SLC24A3: variants seen among roughly 807,000 people sequenced by gnomAD.
The protein encoded by SLC24A3 is sodium/potassium/calcium exchanger 3.
In SLC24A3, 28 loss-of-function variants were observed where a neutral mutation model predicts 75.8. That is an observed-to-expected ratio of 0.37 (90% CI 0.27 to 0.51). SLC24A3 has a LOEUF of 0.51. SLC24A3 is among the 20% of genes least tolerant of loss of function. SLC24A3 has a pLI of 0.94. For synonymous variants in SLC24A3, 372 were observed against 334.1 expected (o/e 1.11, Z -1.24); for missense variants, 663 against 847.8 (o/e 0.78, Z 2.71).
chr20:19,531,605 T>C (rs1207581236), intron 3 of SLC24A3, among the ~76,000 whole-genome samples: 1 of 152,212 alleles, frequency 6.6e-6, no homozygotes, highest in Non-Finnish European at 1.5e-5. Context: ...GGAAACAAAC[T>C]GTTTGTATTG....
chr20:19,445,869 C>T (rs888124962), intron 2 of SLC24A3, among the ~76,000 whole-genome samples: 1 of 152,134 alleles, frequency 6.6e-6, no homozygotes, highest in Admixed American at 6.5e-5. Flanking sequence ...ATTAAAAATT[C>T]CTTTTCTGAG....
intron 8 of SLC24A3, among the ~76,000 whole-genome samples, chr20:19,668,935 C>T (rs1177829724): frequency 6.6e-6 from 1 of 152,220 alleles, no homozygotes; most frequent in Non-Finnish European, 1.5e-5. Context: ...AGAAGGGGCA[C>T]TGTTGTTCTT....
chr20:19,264,728 C>CAAAAA lies in SLC24A3; in HGVS notation c.143-16218_143-16214dup, dbSNP rs371253803. ...TGGGCGACAGAGCGAGACTCCATCT[C>CAAAAA]AAAAAAAAAAAAAAAAACAAAACAA... is the stretch of plus-strand genomic sequence containing the variant. On this transcript the variant is annotated intron_variant, in intron 1 of 16. Coordinates refer to ENST00000328041, the MANE Select transcript of SLC24A3 (RefSeq NM_020689.4). Among the ~76,000 whole-genome samples the CAAAAA allele has an allele frequency of 1.6e-3, 157 of 97,974 alleles. 1 individual carries two copies. The highest frequency in any genetic ancestry group is 5.2e-3 in the Middle Eastern group (1 of 192). 64.3% of individuals were successfully genotyped at this position (97,974 alleles called of 152,430 possible). A position where few individuals can be genotyped will look rare whatever the true frequency, so the allele number is the denominator to read the frequency against.
rs1491373179 is a variant in SLC24A3 at position 19,631,822 on chromosome 20, GTA to G, written c.613-22238_613-22237del. Among the ~76,000 whole-genome samples, 879 of 148,554 alleles carry G rather than the reference GTA, an allele frequency of 5.9e-3. 9 individuals are homozygous for G. The highest frequency in any genetic ancestry group is 0.021 in the East Asian group (109 of 5,160). ...TGTGTGTGTGTGTGTGTGTGTGTGT[GTA>G]TGTAACCACAATTTTTTAAAAGTTT... On this transcript the variant is annotated intron_variant, in intron 6 of 16. Transcript: ENST00000328041.
chr20:19,375,950 C>T (rs1037204628), intron 2 of SLC24A3, among the ~76,000 whole-genome samples: 1 of 152,190 alleles, frequency 6.6e-6, no homozygotes, highest in African/African-American at 2.4e-5. Flanking sequence ...ACAATTCCCA[C>T]AGCTGCTCAG....
At chr20:19,247,401 T>C (rs1184737564) in intron 1 of SLC24A3, among the ~76,000 whole-genome samples, 1 of 152,214 alleles carries the variant, frequency 6.6e-6, no homozygotes, top group Non-Finnish European at 1.5e-5. Flanking sequence ...TTAAATCCTA[T>C]TTCTGAAATG....
intron 3 of SLC24A3, among the ~76,000 whole-genome samples, chr20:19,530,304 A>G (rs1263224830): frequency 6.6e-6 from 1 of 152,216 alleles, no homozygotes; most frequent in African/African-American, 2.4e-5. Context: ...GGGCAGCAAC[A>G]GAATCACCGT....
At chr20:19,270,899 A>G (rs958745208) in intron 1 of SLC24A3, among the ~76,000 whole-genome samples, 4 of 152,196 alleles carry the variant, frequency 2.6e-5, no homozygotes, top group Non-Finnish European at 5.9e-5. Flanking sequence ...GCTTTGAGCT[A>G]CTACAGATTG....
intron 1 of SLC24A3, among the ~76,000 whole-genome samples, chr20:19,239,663 T>G (rs1354878788): frequency 6.6e-6 from 1 of 152,122 alleles, no homozygotes; most frequent in African/African-American, 2.4e-5. Context: ...CAGAGAGGTG[T>G]GTCATATTAG....
intron 2 of SLC24A3, among the ~76,000 whole-genome samples, chr20:19,474,908 C>T (rs1359070633): frequency 6.6e-6 from 1 of 152,210 alleles, no homozygotes; most frequent in African/African-American, 2.4e-5. Context: ...AACCACCGTT[C>T]TATTCTCTGC....
chr20:19,576,392 C>T (rs1446698185), intron 3 of SLC24A3, among the ~76,000 whole-genome samples: 1 of 152,112 alleles, frequency 6.6e-6, no homozygotes, highest in Non-Finnish European at 1.5e-5. Flanking sequence ...GTTCTCTTTG[C>T]TTGTGCTGCA....
intron 2 of SLC24A3, among the ~76,000 whole-genome samples, chr20:19,422,761 T>G (rs1386569922): frequency 6.6e-6 from 1 of 152,192 alleles, no homozygotes; most frequent in Non-Finnish European, 1.5e-5. Flanking sequence ...AAGCTTCTAT[T>G]GCAAGAAAGT....
chr20:19,562,409 G>A (rs1244570653), intron 3 of SLC24A3, among the ~76,000 whole-genome samples: 1 of 152,166 alleles, frequency 6.6e-6, no homozygotes, highest in African/African-American at 2.4e-5. Flanking sequence ...CTGTGCTGAT[G>A]TCCAGGTACC....
At chr20:19,615,730 T>C (rs544130408) in intron 6 of SLC24A3, among the ~76,000 whole-genome samples, 2 of 152,250 alleles carry the variant, frequency 1.3e-5, no homozygotes, top group Non-Finnish European at 2.9e-5. Context: ...GCTCTTTTAT[T>C]CTTCCCACAC....
chr20:19,259,243 A>T (rs769287184), intron 1 of SLC24A3, among the ~76,000 whole-genome samples: 1 of 152,208 alleles, frequency 6.6e-6, no homozygotes, highest in Non-Finnish European at 1.5e-5. Context: ...CTTGAGAGAC[A>T]GCGAGGTGCT....
intron 2 of SLC24A3, among the ~76,000 whole-genome samples, chr20:19,506,104 G>GTTAAAGAA (rs927859609): frequency 6.6e-6 from 1 of 152,212 alleles, no homozygotes; most frequent in Admixed American, 6.5e-5. Context: ...ACTCAAAGAT[G>GTTAAAGAA]TTAAAGAATT....
At chr20:19,626,048 C>A (rs2031861990) in intron 6 of SLC24A3, among the ~76,000 whole-genome samples, 2 of 151,972 alleles carry the variant, frequency 1.3e-5, no homozygotes, top group Non-Finnish European at 1.5e-5. Flanking sequence ...GGCTTTATAG[C>A]CTGTTTGTGA....
intron 1 of SLC24A3, among the ~76,000 whole-genome samples, chr20:19,216,179 T>A (rs1981547633): frequency 6.6e-6 from 1 of 152,154 alleles, no homozygotes; most frequent in Non-Finnish European, 1.5e-5. Flanking sequence ...TAAAATAAGG[T>A]GTTAGATTTG....
chr20:19,560,837 A>C (rs1229915418), intron 3 of SLC24A3, among the ~76,000 whole-genome samples: 1 of 152,174 alleles, frequency 6.6e-6, no homozygotes, highest in East Asian at 1.9e-4. Flanking sequence ...TATTCTTCGA[A>C]GAAAGGGTAA....
Sources: allele counts gnomAD v4.1 joint callset (sites outside exome capture counted in the v4.1 genomes callset), GRCh38; gene constraint gnomAD v4.1.1; transcripts MANE v1.5; gene names NCBI Gene and HGNC (gene_info 2026-07-23, HGNC 2026-07-21).